The following ATF7IP variants were observed in gnomAD, a reference collection of about 807,000 sequenced individuals.
The protein encoded by ATF7IP is activating transcription factor 7-interacting protein 1.
A neutral mutation model predicts 106.4 loss-of-function variants in ATF7IP; 23 were observed. The ratio of observed to expected loss-of-function variants is 0.22; its 90% CI spans 0.16 to 0.31. The LOEUF (loss-of-function observed/expected upper bound fraction) is 0.31. Ranked by LOEUF, ATF7IP falls within the 10% of genes least tolerant of loss-of-function variation. The pLI is 1.00. For synonymous variants in ATF7IP, 542 were observed against 539.0 expected, an observed-to-expected ratio of 1.01 and a Z score of -0.08; for missense variants, 1,334 against 1,524.3, an observed-to-expected ratio of 0.88 and a Z score of 2.08.
intron 10 of ATF7IP, among the ~76,000 whole-genome samples, chr12:14,468,715 A>G (rs1005877694): frequency 2.3e-4 from 35 of 152,228 alleles, no homozygotes; most frequent in African/African-American, 4.8e-4. Flanking sequence ...ATCAGTGTCA[A>G]TTATGTATAT....
intron 1 of ATF7IP, among the ~76,000 whole-genome samples, chr12:14,376,686 T>C (rs1938750048): frequency 6.6e-6 from 1 of 152,232 alleles, no homozygotes; most frequent in Non-Finnish European, 1.5e-5. Flanking sequence ...TTTGTCAGTA[T>C]TCCTGGTTTT....
intron 7 of ATF7IP, 88 bp from the exon 8 acceptor site, chr12:14,457,119 C>CCA: frequency 8.8e-7 from 1 of 1,136,564 alleles, no homozygotes; most frequent in Non-Finnish European, 1.3e-6. Flanking sequence ...CCCTTTTTCC[C>CCA]CTGTGGGCCA....
In ATF7IP at chr12:14,496,088, C is replaced by T. The variant is rs185842679; in HGVS notation, c.3281-143C>T. The T allele has an allele frequency of 8.8e-4, 497 of 563,214 alleles. 2 individuals are homozygous for T. Among genetic ancestry groups the T allele is most frequent in the African/African-American group, 8.5e-3 (442 of 52,290 alleles). The allele number at this position is 563,214 out of a possible 1,614,324, so 34.9% of individuals were successfully genotyped here. ...GGCTGATTGATAGCTTGGCTGAATA[C>T]GAACAGGACCTCTAGGTTAGAAATA... On this transcript the variant is annotated intron_variant, in intron 13 of 14. Transcript: ENST00000261168.
At chr12:14,481,667 C>T (rs1944433193) in intron 13 of ATF7IP, 2 of 430,494 alleles carry the variant, frequency 4.6e-6, no homozygotes, top group Non-Finnish European at 4.6e-6. Context: ...TGAGTGTTGT[C>T]TTTAATTTAA....
At chr12:14,488,927 A>G (rs897683781) in intron 13 of ATF7IP, among the ~76,000 whole-genome samples, 1 of 152,250 alleles carries the variant, frequency 6.6e-6, no homozygotes, top group Non-Finnish European at 1.5e-5. Flanking sequence ...ACATGTTTTT[A>G]GCAAAAGAAG....
At chr12:14,466,449 T>C (rs1367598612) in intron 9 of ATF7IP, 77 bp from the exon 10 acceptor site, 14 of 1,185,304 alleles carry the variant, frequency 1.2e-5, no homozygotes, top group South Asian at 3.9e-5. Flanking sequence ...GAAAACTACA[T>C]GAATTGTTTC....
Position 14,424,350 on chromosome 12 carries a change from C to T in ATF7IP, c.435C>T (p.Ala145=). 3 of 1,614,182 alleles carry T rather than the reference C, an allele frequency of 1.9e-6. No homozygotes were observed. Among genetic ancestry groups the T allele is most frequent in the Non-Finnish European group, 2.5e-6 (3 of 1,180,012 alleles). Residue 145 remains alanine, a synonymous_variant, in exon 2 of 15, where the codon GCC becomes GCT. Transcript: ENST00000261168. ...APGDLDAGDP[A]SGVLASGDST... ...GTGATCTGGATGCCGGAGATCCAGC[C>T]TCCGGAGTACTGGCCTCTGGTGATT...
intron 1 of ATF7IP, among the ~76,000 whole-genome samples, chr12:14,408,242 A>G (rs1240223761): frequency 6.6e-6 from 1 of 152,098 alleles, no homozygotes; most frequent in Non-Finnish European, 1.5e-5. Context: ...GTGTCAAGTT[A>G]ATATTTTAGG....
chr12:14,414,041 G>T (rs577794645), intron 1 of ATF7IP, among the ~76,000 whole-genome samples: 1 of 152,144 alleles, frequency 6.6e-6, no homozygotes, highest in Non-Finnish European at 1.5e-5. Flanking sequence ...CTGAACTCCA[G>T]AGAGTTAAAT....
chr12:14,486,057 C>G (rs184926097), intron 13 of ATF7IP, among the ~76,000 whole-genome samples: 1 of 152,162 alleles, frequency 6.6e-6, no homozygotes, highest in Non-Finnish European at 1.5e-5. Context: ...CATAGTAGCC[C>G]TCACCCTACC....
At chr12:14,468,456 C>A (rs1943916561) in intron 10 of ATF7IP, among the ~76,000 whole-genome samples, 1 of 144,334 alleles carries the variant, frequency 6.9e-6, no homozygotes, top group Non-Finnish European at 1.5e-5. Flanking sequence ...ACCTGGGCAG[C>A]AAAGTGAGAC....
intron 13 of ATF7IP, among the ~76,000 whole-genome samples, chr12:14,492,163 G>A (rs1337230088): frequency 1.3e-5 from 2 of 152,164 alleles, no homozygotes; most frequent in African/African-American, 4.8e-5. Flanking sequence ...ACCACAGGAT[G>A]AATCCAGGAA....
rs983236998 is a variant in ATF7IP, at chr12:14,380,575, G to C, written c.-8+14748G>C. On this transcript the variant is annotated intron_variant, in intron 1 of 14. Transcript: ENST00000261168. ...ATGAAGGGGACTAGGGATCTCTGCAGTCAGGACTTAGTCCTTCTCTTTTTG... is the reference window on the plus strand; with the variant it reads ...ATGAAGGGGACTAGGGATCTCTGCACTCAGGACTTAGTCCTTCTCTTTTTG... Among the ~76,000 whole-genome samples the C allele has an allele frequency of 2.6e-5, 4 of 152,194 alleles. No individual in the cohort carries two copies. The East Asian group carries it at 7.7e-4, about 29-fold the overall frequency.
chr12:14,366,253 A>G (rs187292638), intron 1 of ATF7IP, among the ~76,000 whole-genome samples: 22 of 152,342 alleles, frequency 1.4e-4, no homozygotes, highest in Admixed American at 1.2e-3. Flanking sequence ...ATTTTCTGTA[A>G]AAATGATTTT....
chr12:14,398,981 T>C (rs896233204), intron 1 of ATF7IP, among the ~76,000 whole-genome samples: 7 of 152,164 alleles, frequency 4.6e-5, no homozygotes, highest in African/African-American at 1.2e-4. Flanking sequence ...CCCTGATTGA[T>C]AATTTTCTTT....
In ATF7IP at chr12:14,422,075, A is replaced by G. The variant is rs375929910; in HGVS notation, c.-7-1834A>G. Among the ~76,000 whole-genome samples the G allele has an allele frequency of 5.9e-5, 9 of 152,340 alleles. No individual in the cohort carries two copies. In the East Asian group the frequency reaches 1.5e-3, roughly 26 times the overall value. On this transcript the variant is annotated intron_variant, in intron 1 of 14. Coordinates refer to ENST00000261168, the MANE Select transcript of ATF7IP (RefSeq NM_018179.5). ...GGGAAATTTATAGCTTTATATGCACACATTACAAAAGAAGAAAGATTGAAA... is the reference window on the plus strand; with the variant it reads ...GGGAAATTTATAGCTTTATATGCACGCATTACAAAAGAAGAAAGATTGAAA...
chr12:14,425,971 G>C (rs1941824230), intron 2 of ATF7IP, among the ~76,000 whole-genome samples: 1 of 152,106 alleles, frequency 6.6e-6, no homozygotes, highest in Non-Finnish European at 1.5e-5. Context: ...AAACCTTAAA[G>C]CTTGATTATC....
intron 7 of ATF7IP, 71 bp from the exon 8 acceptor site, chr12:14,457,136 A>T: frequency 7.6e-7 from 1 of 1,318,354 alleles, no homozygotes; most frequent in Non-Finnish European, 1.1e-6. Flanking sequence ...GCCACTGCTT[A>T]TTCTAGATAT....
Position 14,424,499 on chromosome 12 carries a change from C to T in ATF7IP, c.584C>T (p.Thr195Ile). The change falls in exon 2 of 15, where the codon ACT (threonine) becomes ATT (isoleucine). Residue 195 changes from threonine (T) to isoleucine (I), a missense_variant. Around this residue, in one of 10 missense-constraint regions of ATF7IP, gnomAD observed 438 missense variants for 405.3 expected, o/e 1.08. Transcript: ENST00000261168. ...GGTGATGCCACCTCTGGTGATGCCA[C>T]TGCTGATGATCTCTCCTCTGGTGAT... ...SPGDATSGDATADDLSSGDPT... is the reference protein window; with the variant it reads ...SPGDATSGDAIADDLSSGDPT... 1.2e-6 allele frequency: 2 copies of T among 1,614,170 alleles called. No homozygotes were observed. Among genetic ancestry groups the T allele is most frequent in the Non-Finnish European group, 1.7e-6 (2 of 1,180,016 alleles).
Sources: allele counts gnomAD v4.1 joint callset (sites outside exome capture counted in the v4.1 genomes callset), GRCh38; gene constraint gnomAD v4.1.1; regional missense constraint gnomAD v4.1.1; transcripts MANE v1.5; gene names NCBI Gene and HGNC (gene_info 2026-07-23, HGNC 2026-07-21).